The following GNB1 variants were observed in gnomAD, a reference collection of about 807,000 sequenced individuals.
GNB1 encodes the protein guanine nucleotide-binding protein G(I)/G(S)/G(T) subunit beta-1.
GNB1 carries 2 observed loss-of-function variants against 42.9 expected under a neutral mutation model. The observed-to-expected ratio is 0.05, with a 90% CI of 0.02 to 0.15. The LOEUF is 0.15. Ranked by LOEUF, GNB1 falls within the 10% of genes least tolerant of loss-of-function variation. The pLI, the probability that GNB1 is intolerant of heterozygous loss-of-function variation, is 1.00. For synonymous variants in GNB1, 183 were observed against 174.7 expected (o/e 1.05, Z -0.38); for missense variants, 193 against 462.2 (o/e 0.42, Z 5.34).
intron 1 of GNB1, among the ~76,000 whole-genome samples, chr1:1,850,298 T>A (rs1000474275): frequency 6.6e-6 from 1 of 151,878 alleles, no homozygotes; most frequent in Non-Finnish European, 1.5e-5. Flanking sequence ...ACCCTGCTAA[T>A]TTTTTTTATT....
intron 1 of GNB1, among the ~76,000 whole-genome samples, chr1:1,860,993 A>G (rs912852673): frequency 6.6e-6 from 1 of 151,684 alleles, no homozygotes; most frequent in South Asian, 2.1e-4. Context: ...CTGTAGTCCC[A>G]GCTACTTGGG....
chr1:1,855,423 C>A lies in GNB1; in HGVS notation c.-95-16185G>T, dbSNP rs1405328456. Among the ~76,000 whole-genome samples the A allele has an allele frequency of 2.0e-5, 3 of 152,014 alleles. No individual in the cohort carries two copies. The East Asian group carries it at 5.8e-4, about 29-fold the overall frequency. On this transcript the variant is annotated intron_variant, in intron 1 of 11. Coordinates refer to ENST00000378609, the MANE Select transcript of GNB1 (RefSeq NM_002074.5). Reference sequence around the variant, plus strand: ...AGCAAGCAAAACAATAACTCCCGGCCGGGCGCGGTGGCTCACGCCTGTAAT... The same window carrying A: ...AGCAAGCAAAACAATAACTCCCGGCAGGGCGCGGTGGCTCACGCCTGTAAT...
chr1:1,890,408 C>T (rs1650423223), intron 1 of GNB1: 1 of 150,490 alleles, frequency 6.6e-6, no homozygotes, highest in Non-Finnish European at 1.5e-5. Flanking sequence ...CGACACCGCC[C>T]CGCCTGCAGG....
At chr1:1,885,807 G>T (rs889214854) in intron 1 of GNB1, among the ~76,000 whole-genome samples, 30 of 148,966 alleles carry the variant, frequency 2.0e-4, no homozygotes, top group African/African-American at 7.1e-4. Flanking sequence ...ATCCGCCCAC[G>T]TCGGCCTCCC....
rs538210620 is a variant in GNB1 at position 1,863,661 on chromosome 1, C to T, written c.-95-24423G>A. On this transcript the variant is annotated intron_variant, in intron 1 of 11. Coordinates refer to ENST00000378609, the MANE Select transcript of GNB1 (RefSeq NM_002074.5). ...GGACTCACTCTTCATCCACAAATAG[C>T]TCATTTTGAGATCTTCTCCTTCCAA... Among the ~76,000 whole-genome samples the T allele has an allele frequency of 3.9e-5, 6 of 152,320 alleles. No individual in the cohort carries two copies. In the East Asian group the frequency reaches 1.2e-3, roughly 29 times the overall value.
chr1:1,859,523 T>C (rs948121664), intron 1 of GNB1, among the ~76,000 whole-genome samples: 4 of 152,034 alleles, frequency 2.6e-5, no homozygotes, highest in African/African-American at 9.7e-5. Flanking sequence ...ATGTGAACTA[T>C]GTATCGTGGC....
chr1:1,839,089 C>G (rs1220593243), intron 2 of GNB1, 101 bp downstream of exon 2: 1 of 152,112 alleles, frequency 6.6e-6, no homozygotes, highest in Non-Finnish European at 1.5e-5. Flanking sequence ...AACACTGTCT[C>G]TTTAAAAAAC....
chr1:1,826,417 A>G (rs1646999188), intron 2 of GNB1, among the ~76,000 whole-genome samples: 1 of 152,176 alleles, frequency 6.6e-6, no homozygotes, highest in African/African-American at 2.4e-5. Flanking sequence ...ACTCCATCTC[A>G]AAATAAAAAA....
intron 1 of GNB1, among the ~76,000 whole-genome samples, chr1:1,855,929 G>T (rs1648271776): frequency 6.6e-6 from 1 of 152,242 alleles, no homozygotes; most frequent in Non-Finnish European, 1.5e-5. Context: ...GTGATAAGCA[G>T]GGAGCTCAGG....
chr1:1,886,048 A>T (rs1650136122), intron 1 of GNB1, among the ~76,000 whole-genome samples: 1 of 151,644 alleles, frequency 6.6e-6, no homozygotes, highest in African/African-American at 2.4e-5. Context: ...ACGGTGGCTC[A>T]CGCCTGTAAT....
intron 1 of GNB1, among the ~76,000 whole-genome samples, chr1:1,883,227 A>G (rs1649951975): frequency 6.7e-6 from 1 of 149,004 alleles, no homozygotes; most frequent in Non-Finnish European, 1.5e-5. Flanking sequence ...AACCATGATC[A>G]TACCATCACA....
chr1:1,831,878 A>C (rs1647080970), intron 2 of GNB1, among the ~76,000 whole-genome samples: 1 of 151,486 alleles, frequency 6.6e-6, no homozygotes, highest in African/African-American at 2.4e-5. Flanking sequence ...GGGCAACAAC[A>C]TGGCAAAAAC....
chr1:1,851,014 A>C (rs1389187916), intron 1 of GNB1, among the ~76,000 whole-genome samples: 2 of 152,236 alleles, frequency 1.3e-5, no homozygotes, highest in African/African-American at 2.4e-5. Flanking sequence ...TTACGCCTGT[A>C]ATCCCAGCAC....
At position 1,849,054 on chromosome 1, in the gene GNB1, A is replaced by G. The variant is rs534299259; in HGVS notation, c.-95-9816T>C. Among the ~76,000 whole-genome samples, 14 of 152,320 alleles carry G rather than the reference A, an allele frequency of 9.2e-5. No individual in the cohort carries two copies. The South Asian group carries it at 2.9e-3, about 32-fold the overall frequency. ...ATGACATTAGACGGTTGGGGTTTGA[A>G]ACCATTCTGACTGGGGTGGGAGAGG... is the stretch of plus-strand genomic sequence containing the variant. On this transcript the variant is annotated intron_variant, in intron 1 of 11. Coordinates refer to ENST00000378609, the MANE Select transcript of GNB1 (RefSeq NM_002074.5).
intron 2 of GNB1, among the ~76,000 whole-genome samples, chr1:1,826,750 C>T (rs555251124): frequency 1.3e-4 from 20 of 152,278 alleles, no homozygotes; most frequent in African/African-American, 4.3e-4. Context: ...CCTGCCTTCT[C>T]GCCCTACTCA....
At chr1:1,870,546 T>C (rs899077832) in intron 1 of GNB1, among the ~76,000 whole-genome samples, 1 of 152,214 alleles carries the variant, frequency 6.6e-6, no homozygotes, top group Non-Finnish European at 1.5e-5. Flanking sequence ...GCACTTTGTC[T>C]TTTCCAAAAC....
chr1:1,886,847 A>G (rs1650184134), intron 1 of GNB1, among the ~76,000 whole-genome samples: 1 of 152,146 alleles, frequency 6.6e-6, no homozygotes, highest in Admixed American at 6.5e-5. Flanking sequence ...CTGGGATTAC[A>G]GGTGCCCAGC....
rs1646419460 is a variant in GNB1 at position 1,787,308 on chromosome 1, G to A, written c.*9+14C>T. 5 of 1,327,908 alleles carry A rather than the reference G, an allele frequency of 3.8e-6. No individual in the cohort carries two copies. The highest frequency in any genetic ancestry group is 5.4e-6 in the Non-Finnish European group (5 of 920,768). 82.3% of individuals were successfully genotyped at this position (1,327,908 alleles called of 1,614,324 possible). A position where few individuals can be genotyped will look rare whatever the true frequency, so the allele number is the denominator to read the frequency against. On this transcript the variant is annotated intron_variant, in intron 11 of 11. Coordinates refer to ENST00000378609, the MANE Select transcript of GNB1 (RefSeq NM_002074.5). This position sits in a 1 kb window ranked among gnomAD's most constrained non-coding sequence, Gnocchi z 4.4. ...AGTTCTCCTCAGAGAAGGGCATTTG[G>A]GCTGCTGCATTACCTACTGGCGTTA... is the stretch of plus-strand genomic sequence containing the variant.
At chr1:1,835,641 G>T (rs1326758483) in intron 2 of GNB1, among the ~76,000 whole-genome samples, 1 of 152,144 alleles carries the variant, frequency 6.6e-6, no homozygotes, top group Non-Finnish European at 1.5e-5. Flanking sequence ...GAGTTAATCA[G>T]ATAGATGTGA....
Sources: gnomAD v4.1 joint callset for allele counts (sites outside exome capture counted in the v4.1 genomes callset) on GRCh38, gnomAD v4.1.1 for gene constraint, Gnocchi (gnomAD v3.1) non-coding constraint, MANE v1.5 for transcripts, NCBI Gene and HGNC (gene_info 2026-07-23, HGNC 2026-07-21) for gene names.